MRTFA: variants seen among roughly 807,000 people sequenced by gnomAD.
The protein encoded by MRTFA is myocardin related transcription factor A.
In MRTFA, 20 loss-of-function variants were observed where a neutral mutation model predicts 83.5. The ratio of observed to expected loss-of-function variants is 0.24; its 90% CI spans 0.17 to 0.35. The LOEUF is 0.35. MRTFA is among the 10% of genes least tolerant of loss of function. MRTFA has a pLI of 1.00. For synonymous variants in MRTFA, 659 were observed against 541.2 expected (o/e 1.22, Z -3.02); for missense variants, 1,200 against 1,224.7 (o/e 0.98, Z 0.30).
At chr22:40,545,759 G>A (rs2055355603) in intron 3 of MRTFA, among the ~76,000 whole-genome samples, 1 of 142,948 alleles carries the variant, frequency 7.0e-6, no homozygotes, top group African/African-American at 2.6e-5. Context: ...TTGACATGGA[G>A]TCTTGCTCTT....
intron 14 of MRTFA, chr22:40,415,485 C>T (rs1013670633): frequency 3.3e-5 from 5 of 152,354 alleles, no homozygotes; most frequent in Non-Finnish European, 7.3e-5. Context: ...GCTGAGCTCC[C>T]ACTTTGCCTG....
chr22:40,552,641 T>C (rs1336527883), intron 2 of MRTFA, among the ~76,000 whole-genome samples: 1 of 152,180 alleles, frequency 6.6e-6, no homozygotes, highest in Non-Finnish European at 1.5e-5. Context: ...TGTTTGCAAC[T>C]CCTTCCACCA....
intron 3 of MRTFA, among the ~76,000 whole-genome samples, chr22:40,512,814 C>A (rs538759361): frequency 1.3e-5 from 2 of 152,300 alleles, no homozygotes; most frequent in African/African-American, 4.8e-5. Context: ...GGATGACATC[C>A]TGAAAAGCTA....
chr22:40,579,841 C>A (rs2055920103), intron 2 of MRTFA, among the ~76,000 whole-genome samples: 2 of 143,524 alleles, frequency 1.4e-5, no homozygotes, highest in South Asian at 2.2e-4. Flanking sequence ...GCCTGGGCAA[C>A]AAGAGCGAAA....
At chr22:40,497,732 A>G (rs2054380338) in intron 3 of MRTFA, among the ~76,000 whole-genome samples, 1 of 152,054 alleles carries the variant, frequency 6.6e-6, no homozygotes, top group Non-Finnish European at 1.5e-5. Flanking sequence ...CAGCCTGGGC[A>G]ACAGAGACTG....
chr22:40,440,874 C>T (rs1243932288), intron 4 of MRTFA, among the ~76,000 whole-genome samples: 3 of 152,116 alleles, frequency 2.0e-5, no homozygotes, highest in Admixed American at 6.5e-5. Flanking sequence ...CAAGTTTAGG[C>T]CTCTGCCAAT....
intron 1 of MRTFA, among the ~76,000 whole-genome samples, chr22:40,597,824 G>A (rs1204611282): frequency 6.6e-6 from 1 of 152,242 alleles, no homozygotes; most frequent in Non-Finnish European, 1.5e-5. Context: ...GAAGGCTTAA[G>A]TATTAATTTT....
chr22:40,531,889 G>A (rs1415264791), intron 3 of MRTFA, among the ~76,000 whole-genome samples: 1 of 152,150 alleles, frequency 6.6e-6, no homozygotes, highest in East Asian at 1.9e-4. Context: ...TGATCATATA[G>A]GAGACAGGTA....
chr22:40,432,360 A>T (rs2053085107), intron 5 of MRTFA, among the ~76,000 whole-genome samples: 1 of 152,218 alleles, frequency 6.6e-6, no homozygotes, highest in African/African-American at 2.4e-5. Context: ...TGGAATATGA[A>T]TTTTGACACA....
chr22:40,411,669 G>A lies in MRTFA; in HGVS notation c.2817C>T (p.Leu939=), dbSNP rs745940856. The change falls in exon 15 of 15, where the codon CTC becomes CTT. Residue 939 remains leucine (L), a synonymous_variant. Coordinates refer to ENST00000355630, the MANE Select transcript of MRTFA (RefSeq NM_020831.6). ...GCATCTGGCTATGGAGGTCGTCAATGAGGGAAAGGGGCTCTGGCCCGTCAT... is the reference window on the plus strand; with the variant it reads ...GCATCTGGCTATGGAGGTCGTCAATAAGGGAAAGGGGCTCTGGCCCGTCAT... The A allele has an allele frequency of 1.6e-5, 26 of 1,609,458 alleles. No individual in the cohort carries two copies. The highest frequency in any genetic ancestry group is 1.1e-5 in the South Asian group (1 of 90,378).
At chr22:40,580,872 C>G (rs564560749) in intron 2 of MRTFA, among the ~76,000 whole-genome samples, 1 of 152,314 alleles carries the variant, frequency 6.6e-6, no homozygotes, top group Non-Finnish European at 1.5e-5. Context: ...CTCATCCTTT[C>G]ATCTCAGCCT....
chr22:40,579,390 T>C (rs887793735), intron 2 of MRTFA, among the ~76,000 whole-genome samples: 19 of 152,056 alleles, frequency 1.2e-4, no homozygotes, highest in Admixed American at 1.2e-3. Flanking sequence ...CAGTAAACAT[T>C]TATTAAAAAT....
intron 3 of MRTFA, among the ~76,000 whole-genome samples, chr22:40,497,237 G>A (rs1440014218): frequency 1.3e-5 from 2 of 152,206 alleles, no homozygotes; most frequent in African/African-American, 2.4e-5. Context: ...CACCTGCACT[G>A]AAATCTAAAA....
intron 4 of MRTFA, among the ~76,000 whole-genome samples, chr22:40,445,112 T>C (rs1349166377): frequency 6.6e-6 from 1 of 152,130 alleles, no homozygotes; most frequent in Non-Finnish European, 1.5e-5. Flanking sequence ...GTGACTGCCA[T>C]ATATTAATTT....
At chr22:40,475,056 C>T (rs945176152) in intron 3 of MRTFA, among the ~76,000 whole-genome samples, 2 of 151,210 alleles carry the variant, frequency 1.3e-5, no homozygotes, top group African/African-American at 4.8e-5. Flanking sequence ...CCAGGCTGGT[C>T]TAGAACTCCT....
chr22:40,474,918 A>G (rs557297406), intron 3 of MRTFA, among the ~76,000 whole-genome samples: 12 of 152,072 alleles, frequency 7.9e-5, no homozygotes, highest in Non-Finnish European at 1.5e-4. Context: ...GGCTCAATGC[A>G]GCCTCCGCCT....
chr22:40,499,447 A>C (rs2054417669), intron 3 of MRTFA, among the ~76,000 whole-genome samples: 1 of 152,212 alleles, frequency 6.6e-6, no homozygotes, highest in African/African-American at 2.4e-5. Context: ...GAACTTTCTG[A>C]AACAGAAAAA....
chr22:40,570,577 C>CCAAA (rs1366723006), intron 2 of MRTFA, among the ~76,000 whole-genome samples: 17 of 23,150 alleles, frequency 7.3e-4, no homozygotes, highest in African/African-American at 2.2e-3. Flanking sequence ...GACTCTGTCT[C>CCAAA]AAAAAAAAAA....
intron 3 of MRTFA, among the ~76,000 whole-genome samples, chr22:40,476,928 C>CCTTATAATT (rs1368636325): frequency 6.6e-6 from 1 of 152,048 alleles, no homozygotes; most frequent in Middle Eastern, 3.2e-3. Flanking sequence ...TATCCTTAAC[C>CCTTATAATT]AGAAAGGGTT....
Sources: gnomAD v4.1 joint callset for allele counts (sites outside exome capture counted in the v4.1 genomes callset) on GRCh38, gnomAD v4.1.1 for gene constraint, MANE v1.5 for transcripts, NCBI Gene and HGNC (gene_info 2026-07-23, HGNC 2026-07-21) for gene names.